Variants in PIEZO2 observed in about 807,000 individuals in gnomAD.
The protein encoded by PIEZO2 is piezo-type mechanosensitive ion channel component 2.
A neutral mutation model predicts 337.3 loss-of-function variants in PIEZO2; 172 were observed. The observed-to-expected ratio is 0.51, with a 90% confidence interval of 0.45 to 0.58. The LOEUF is 0.58. PIEZO2 is among the 20% of genes least tolerant of loss of function. The probability of loss-of-function intolerance (pLI) is 0.00; values close to 1 mark genes in which losing one functional copy is unlikely to be tolerated. For synonymous variants in PIEZO2, 1,251 were observed against 1,228.5 expected (o/e 1.02, Z -0.38); for missense variants, 3,028 against 3,391.3 (o/e 0.89, Z 2.66).
At chr18:10,763,830 G>A (rs1379654500) in intron 21 of PIEZO2, among the ~76,000 whole-genome samples, 1 of 152,224 alleles carries the variant, frequency 6.6e-6, no homozygotes, top group African/African-American at 2.4e-5. Flanking sequence ...CAATAGCCCA[G>A]GGAAGATGGG....
At chr18:10,683,230 A>G (rs370150110) in intron 49 of PIEZO2, among the ~76,000 whole-genome samples, 1 of 152,264 alleles carries the variant, frequency 6.6e-6, no homozygotes, top group African/African-American at 2.4e-5. Flanking sequence ...ACATTTACCC[A>G]TAGGCACTAG....
intron 7 of PIEZO2, among the ~76,000 whole-genome samples, chr18:10,808,718 AG>A (rs1304895041): frequency 2.6e-5 from 4 of 152,198 alleles, no homozygotes; most frequent in African/African-American, 9.6e-5. Context: ...GAGTGAAAAA[AG>A]TTATGCCCCA....
At chr18:10,709,962 T>C (rs1228014702) in intron 39 of PIEZO2, among the ~76,000 whole-genome samples, 2 of 152,240 alleles carry the variant, frequency 1.3e-5, no homozygotes, top group Admixed American at 6.5e-5. Context: ...TAGAAAAGCA[T>C]TGGACGAACA....
intron 8 of PIEZO2, 115 bp downstream of exon 8, chr18:10,806,997 A>C: frequency 4.7e-6 from 5 of 1,056,342 alleles, no homozygotes; most frequent in Non-Finnish European, 6.6e-6. Context: ...CCAGAACACT[A>C]GAGTTGTGTT....
At chr18:10,873,147 A>G (rs991269324) in intron 4 of PIEZO2, among the ~76,000 whole-genome samples, 2 of 152,214 alleles carry the variant, frequency 1.3e-5, no homozygotes, top group African/African-American at 4.8e-5. Flanking sequence ...AAAAATATTA[A>G]ATAGCAAGAA....
At position 10,744,154 on chromosome 18, in the gene PIEZO2, T is replaced by C; in HGVS notation, c.4502A>G (p.Gln1501Arg). The part of the protein sequence containing the change: ...RIEEEKKSMD[Q>R]LKRQMDRIKA... The stretch of plus-strand genomic sequence containing the variant: ...ATAGCATCCTTACTGTCGCTTCAGC[T>C]GGTCCATGGACTTCTTCTCTTCCTC... Residue 1501 changes from glutamine to arginine, a missense_variant, in exon 31 of 56, where the codon CAG becomes CGG. This residue lies in a region of PIEZO2 where 1,925 missense variants were observed against 2,051.9 expected (regional missense o/e 0.94). Coordinates refer to ENST00000674853, the MANE Select transcript of PIEZO2 (RefSeq NM_001378183.1). The C allele has an allele frequency of 6.5e-7, 1 of 1,535,760 alleles. No individual in the cohort carries two copies. Among genetic ancestry groups the C allele is most frequent in the Non-Finnish European group, 8.7e-7 (1 of 1,145,616 alleles).
At chr18:10,720,413 GTGTATGTATATATATATATATATATATA>G (rs1567983942) in intron 36 of PIEZO2, among the ~76,000 whole-genome samples, 13,283 of 36,662 alleles carry the variant, frequency 0.36, 2,397 homozygotes, top group South Asian at 0.46. Context: ...GTATGTGTAT[GTGTATGTATATATATATATATATATATA>G]TATATATATA....
At chr18:11,008,256 G>A (rs1346251850) in intron 2 of PIEZO2, among the ~76,000 whole-genome samples, 1 of 152,154 alleles carries the variant, frequency 6.6e-6, no homozygotes, top group Non-Finnish European at 1.5e-5. Flanking sequence ...TCATGTTCCA[G>A]CCACAGCAGC....
In PIEZO2 at chr18:11,030,693, C is replaced by T. The variant is rs567790074; in HGVS notation, c.160+35434G>A. On this transcript the variant is annotated intron_variant, in intron 2 of 55. Transcript: ENST00000674853. ...AAGGACCCCAGGCCTCCATAGGGGA[C>T]GGTGCTGCCCACTCTTAAGATTCCT... Among the ~76,000 whole-genome samples the T allele has an allele frequency of 7.9e-5, 12 of 152,244 alleles. No homozygotes were observed. The East Asian group carries it at 1.2e-3, about 15-fold the overall frequency.
Position 10,846,992 on chromosome 18 carries a change from C to A in PIEZO2, c.917+8361G>T, listed in dbSNP as rs1363325230. Among the ~76,000 whole-genome samples the A allele has an allele frequency of 6.6e-6, 1 of 152,118 alleles. No individual in the cohort carries two copies. Among genetic ancestry groups the A allele is most frequent in the Non-Finnish European group, 1.5e-5 (1 of 68,010 alleles). On this transcript the variant is annotated intron_variant, in intron 7 of 55. Coordinates refer to ENST00000674853, the MANE Select transcript of PIEZO2 (RefSeq NM_001378183.1). This position sits in a 1 kb window ranked among gnomAD's most constrained non-coding sequence, Gnocchi z 4.1. ...GCTCTCTCCTGCTTACTACACCCAC[C>A]CACTCTGGGCTGGGCACTATCTTCA...
rs2037404743 is a variant in PIEZO2 at position 11,048,556 on chromosome 18, T to C, written c.160+17571A>G. The stretch of plus-strand genomic sequence containing the variant: ...CCAACATGCATAATCTCTACATTTA[T>C]CTTCCCTCACTATTAATTTTATAGT... On this transcript the variant is annotated intron_variant, in intron 2 of 55. Coordinates refer to ENST00000674853, the MANE Select transcript of PIEZO2 (RefSeq NM_001378183.1). The surrounding 1 kb of genome is among the most constrained non-coding windows in gnomAD (Gnocchi z 4.5). Among the ~76,000 whole-genome samples the C allele has an allele frequency of 6.6e-6, 1 of 152,258 alleles. No individual in the cohort carries two copies. The highest frequency in any genetic ancestry group is 6.5e-5 in the Admixed American group (1 of 15,288).
rs1171833579 is a variant in PIEZO2, at chr18:11,092,113, T to A, written c.65-25891A>T. ...GGCTAAAAGGGTATTTTTTGAAAGGTTGTCTGCTACCTGACTATAGAAAGA... is the reference window on the plus strand; with the variant it reads ...GGCTAAAAGGGTATTTTTTGAAAGGATGTCTGCTACCTGACTATAGAAAGA... On this transcript the variant is annotated intron_variant, in intron 1 of 55. Transcript: ENST00000674853. This position sits in a 1 kb window ranked among gnomAD's most constrained non-coding sequence, Gnocchi z 4.5. Among the ~76,000 whole-genome samples the A allele has an allele frequency of 6.6e-6, 1 of 152,206 alleles. No homozygotes were observed. Among genetic ancestry groups the A allele is most frequent in the Non-Finnish European group, 1.5e-5 (1 of 68,032 alleles).
intron 3 of PIEZO2, among the ~76,000 whole-genome samples, chr18:10,920,401 G>T (rs2031314447): frequency 6.6e-6 from 1 of 152,054 alleles, no homozygotes; most frequent in African/African-American, 2.4e-5. Context: ...AAAATTCCTG[G>T]CAATTATACA....
chr18:11,023,933 C>G (rs956507810), intron 2 of PIEZO2, among the ~76,000 whole-genome samples: 1 of 152,192 alleles, frequency 6.6e-6, no homozygotes, highest in Non-Finnish European at 1.5e-5. Flanking sequence ...ACTGGCCGGC[C>G]GTTCTGAGTG....
chr18:10,671,322 A>C lies in PIEZO2; in HGVS notation c.*205T>G, dbSNP rs989253238. The C allele has an allele frequency of 4.1e-6, 2 of 485,574 alleles. No individual in the cohort carries two copies. The highest frequency in any genetic ancestry group is 7.1e-6 in the Non-Finnish European group (2 of 280,576). The allele number at this position is 485,574 out of a possible 1,614,324, so 30.1% of individuals were successfully genotyped here. A position where few individuals can be genotyped will look rare whatever the true frequency, so the allele number is the denominator to read the frequency against. On this transcript the variant is annotated 3_prime_UTR_variant, in exon 56 of 56. Transcript: ENST00000674853. ...AAGCAAGTAGCCCTGATTTCAGAGA[A>C]ATGGAGTTACAAATAACATTTTCAA...
In PIEZO2 at chr18:11,038,342, T is replaced by C. The variant is rs1388757004; in HGVS notation, c.160+27785A>G. 6.6e-6 allele frequency among the ~76,000 whole-genome samples: 1 copy of C among 152,174 alleles called. No homozygotes were observed. The highest frequency in any genetic ancestry group is 1.5e-5 in the Non-Finnish European group (1 of 68,038). Reference sequence around the variant, plus strand: ...GCTGAGCAATATTATTTCTAAGTTGTATTTTCCTTCCTTAATTTTTAACTC... The same window carrying C: ...GCTGAGCAATATTATTTCTAAGTTGCATTTTCCTTCCTTAATTTTTAACTC... On this transcript the variant is annotated intron_variant, in intron 2 of 55. Transcript: ENST00000674853. This position sits in a 1 kb window ranked among gnomAD's most constrained non-coding sequence, Gnocchi z 4.1.
chr18:11,089,655 C>A (rs988310154), intron 1 of PIEZO2, among the ~76,000 whole-genome samples: 5 of 152,194 alleles, frequency 3.3e-5, no homozygotes, highest in Non-Finnish European at 5.9e-5. Context: ...ATTGAGCACA[C>A]AATGTATCCA....
rs924822282 is a variant in PIEZO2 at position 11,083,560 on chromosome 18, C to T, written c.65-17338G>A. On this transcript the variant is annotated intron_variant, in intron 1 of 55. Coordinates refer to ENST00000674853, the MANE Select transcript of PIEZO2 (RefSeq NM_001378183.1). This position sits in a 1 kb window ranked among gnomAD's most constrained non-coding sequence, Gnocchi z 4.4. ...CAGGTGGTGCCAGCCCTGCAGGGCACGGTGTGGGCTCTTCCTGTGGCATGC... is the reference window on the plus strand; with the variant it reads ...CAGGTGGTGCCAGCCCTGCAGGGCATGGTGTGGGCTCTTCCTGTGGCATGC... 3.3e-5 allele frequency among the ~76,000 whole-genome samples: 5 copies of T among 152,122 alleles called. No homozygotes were observed. The South Asian group carries it at 8.3e-4, about 25-fold the overall frequency.
intron 2 of PIEZO2, among the ~76,000 whole-genome samples, chr18:11,063,287 G>C (rs943012883): frequency 3.0e-5 from 4 of 134,366 alleles, no homozygotes; most frequent in East Asian, 2.7e-4. Flanking sequence ...GTTGTGGGGT[G>C]GGGGGAGTGG....
Sources: gnomAD v4.1 joint callset for allele counts (sites outside exome capture counted in the v4.1 genomes callset) on GRCh38, gnomAD v4.1.1 for gene constraint, gnomAD v4.1.1 regional missense constraint, Gnocchi (gnomAD v3.1) non-coding constraint, MANE v1.5 for transcripts, NCBI Gene and HGNC (gene_info 2026-07-23, HGNC 2026-07-21) for gene names.